The following HCN1 variants were observed in gnomAD, a reference collection of about 807,000 sequenced individuals.
HCN1 encodes the protein potassium/sodium hyperpolarization-activated cyclic nucleotide-gated channel 1.
HCN1 carries 13 observed loss-of-function variants against 78.9 expected under a neutral mutation model. The ratio of observed to expected loss-of-function variants is 0.16; its 90% CI spans 0.11 to 0.26. The LOEUF (loss-of-function observed/expected upper bound fraction) is 0.26, where lower values mean the gene tolerates loss of function less well. Among genes scored for constraint, HCN1 ranks in the 10% least tolerant of loss-of-function variants. The pLI is 1.00. For synonymous variants in HCN1, 552 were observed against 455.5 expected (o/e 1.21, Z -2.70); for missense variants, 810 against 1,154.3 (o/e 0.70, Z 4.32).
At chr5:45,372,152 A>ATGTATTATATATATAATATAATT (rs1747400956) in intron 4 of HCN1, among the ~76,000 whole-genome samples, 1 of 58,514 alleles carries the variant, frequency 1.7e-5, no homozygotes, top group African/African-American at 1.0e-4. Flanking sequence ...TATATTATAT[A>ATGTATTATATATATAATATAATT]ATATGTTATT....
At chr5:45,628,356 T>C (rs961015454) in intron 2 of HCN1, among the ~76,000 whole-genome samples, 1 of 152,192 alleles carries the variant, frequency 6.6e-6, no homozygotes, top group African/African-American at 2.4e-5. Flanking sequence ...TCATTACTAT[T>C]ATTGTTTTAT....
At chr5:45,383,587 G>A (rs1747855051) in intron 4 of HCN1, among the ~76,000 whole-genome samples, 1 of 151,974 alleles carries the variant, frequency 6.6e-6, no homozygotes, top group Non-Finnish European at 1.5e-5. Flanking sequence ...CCTGCTACTC[G>A]GGAGGCTGAG....
chr5:45,467,730 G>A (rs1741302830), intron 2 of HCN1, among the ~76,000 whole-genome samples: 1 of 151,910 alleles, frequency 6.6e-6, no homozygotes, highest in African/African-American at 2.4e-5. Context: ...TCAGCTTAAA[G>A]TTTTATATTT....
At chr5:45,544,700 G>A (rs1743174823) in intron 2 of HCN1, among the ~76,000 whole-genome samples, 1 of 150,206 alleles carries the variant, frequency 6.7e-6, no homozygotes, top group African/African-American at 2.5e-5. Context: ...AACATGTGGT[G>A]TTTGGTTTTC....
intron 3 of HCN1, among the ~76,000 whole-genome samples, chr5:45,400,987 G>T (rs1204159955): frequency 1.3e-5 from 2 of 152,018 alleles, no homozygotes; most frequent in African/African-American, 4.8e-5. Context: ...CTATGTAATA[G>T]TTTGTTGATC....
intron 1 of HCN1, among the ~76,000 whole-genome samples, chr5:45,668,675 G>A (rs1244332502): frequency 6.6e-6 from 1 of 151,906 alleles, no homozygotes. Flanking sequence ...GGATTTAGAT[G>A]ATAGCCATTT....
intron 2 of HCN1, among the ~76,000 whole-genome samples, chr5:45,613,111 G>A (rs555896066): frequency 6.7e-6 from 1 of 150,328 alleles, no homozygotes; most frequent in Non-Finnish European, 1.5e-5. Context: ...CCACTAACTC[G>A]TCATCTAGCA....
intron 2 of HCN1, among the ~76,000 whole-genome samples, chr5:45,619,388 C>T (rs1276965278): frequency 6.6e-6 from 1 of 151,944 alleles, no homozygotes. Context: ...CACGGTGAAT[C>T]GAACATTGTG....
At chr5:45,306,770 C>A (rs189204114) in intron 5 of HCN1, among the ~76,000 whole-genome samples, 142 of 152,186 alleles carry the variant, frequency 9.3e-4, no homozygotes, top group Admixed American at 1.6e-3. Flanking sequence ...TTACTTATGG[C>A]ACTTGTTATA....
intron 5 of HCN1, among the ~76,000 whole-genome samples, chr5:45,336,996 G>A (rs1383030388): frequency 2.0e-5 from 3 of 151,744 alleles, no homozygotes; most frequent in Non-Finnish European, 4.4e-5. Context: ...GGGGCAGAGG[G>A]CATAAATACT....
intron 5 of HCN1, among the ~76,000 whole-genome samples, chr5:45,324,980 AG>A (rs968332416): frequency 6.6e-6 from 1 of 151,764 alleles, no homozygotes; most frequent in African/African-American, 2.4e-5. Context: ...TCAGAAATGA[AG>A]TGTTTAACAC....
intron 2 of HCN1, among the ~76,000 whole-genome samples, chr5:45,636,595 T>G (rs1280592312): frequency 6.6e-6 from 1 of 152,072 alleles, no homozygotes; most frequent in African/African-American, 2.4e-5. Flanking sequence ...TGCTTGTAAT[T>G]GAAGTGTTTT....
At chr5:45,521,683 G>A (rs1217648211) in intron 2 of HCN1, among the ~76,000 whole-genome samples, 1 of 151,866 alleles carries the variant, frequency 6.6e-6, no homozygotes, top group African/African-American at 2.4e-5. Flanking sequence ...GCATGCTGAA[G>A]TACTAGGATT....
chr5:45,397,178 G>A (rs755708439), intron 3 of HCN1, among the ~76,000 whole-genome samples: 10 of 152,084 alleles, frequency 6.6e-5, no homozygotes, highest in Non-Finnish European at 1.5e-4. Flanking sequence ...TAGCTGTATA[G>A]TCCTTACCAC....
intron 1 of HCN1, among the ~76,000 whole-genome samples, chr5:45,672,675 C>A (rs1474793457): frequency 2.0e-5 from 3 of 150,662 alleles, no homozygotes; most frequent in African/African-American, 4.9e-5. Context: ...CAAATGATGT[C>A]ATAAAAAATA....
intron 5 of HCN1, among the ~76,000 whole-genome samples, chr5:45,327,785 G>A (rs563924580): frequency 1.3e-5 from 2 of 151,708 alleles, no homozygotes; most frequent in South Asian, 4.1e-4. Context: ...TGGACACACA[G>A]AAAAGACATC....
At chr5:45,461,175 T>A (rs929812592) in intron 3 of HCN1, among the ~76,000 whole-genome samples, 1 of 152,052 alleles carries the variant, frequency 6.6e-6, no homozygotes, top group Non-Finnish European at 1.5e-5. Context: ...TATTCCCTGT[T>A]CTTTTAATTC....
At chr5:45,406,026 AT>A (rs987771801) in intron 3 of HCN1, among the ~76,000 whole-genome samples, 4 of 152,162 alleles carry the variant, frequency 2.6e-5, no homozygotes, top group African/African-American at 7.2e-5. Flanking sequence ...ATTTTTTCTT[AT>A]TTTTTTGATA....
In HCN1 at chr5:45,527,294, T is replaced by C. The variant is rs535298849; in HGVS notation, c.850-65287A>G. Among the ~76,000 whole-genome samples, 4 of 136,980 alleles carry C rather than the reference T, an allele frequency of 2.9e-5. 1 individual carries two copies. In the South Asian group the frequency reaches 1.0e-3, roughly 35 times the overall value. The allele number at this position is 136,980 out of a possible 152,430, so 89.9% of individuals were successfully genotyped here. The stretch of plus-strand genomic sequence containing the variant: ...TAGTACAGAGTCAATAAATGTTTAG[T>C]GGTTTAAATTTCTGAAGGTGACATG... On this transcript the variant is annotated intron_variant, in intron 2 of 7. Transcript: ENST00000303230.
Sources: allele counts gnomAD v4.1 joint callset (sites outside exome capture counted in the v4.1 genomes callset), GRCh38; gene constraint gnomAD v4.1.1; transcripts MANE v1.5; gene names NCBI Gene and HGNC (gene_info 2026-07-23, HGNC 2026-07-21).